SLC14A2: variants seen among roughly 807,000 people sequenced by gnomAD.
SLC14A2 encodes urea transporter 2.
Under a neutral mutation model 104.6 loss-of-function variants are expected in SLC14A2, and 91 were observed. The observed-to-expected ratio is 0.87, with a 90% confidence interval of 0.73 to 1.04. SLC14A2 has a LOEUF of 1.04. Ranked by LOEUF, SLC14A2 falls within the 50% of genes least tolerant of loss-of-function variation. The pLI, the probability that SLC14A2 is intolerant of heterozygous loss-of-function variation, is 0.00. For synonymous variants in SLC14A2, 476 were observed against 466.4 expected (o/e 1.02, Z -0.27); for missense variants, 1,189 against 1,156.0 (o/e 1.03, Z -0.41).
At chr18:45,319,416 T>C (rs1429274824) in intron 1 of SLC14A2, among the ~76,000 whole-genome samples, 2 of 152,232 alleles carry the variant, frequency 1.3e-5, no homozygotes, top group African/African-American at 4.8e-5. Flanking sequence ...CCATACTGCC[T>C]ATCTTGGTTA....
chr18:45,475,897 GA>G (rs945770990), intron 1 of SLC14A2, among the ~76,000 whole-genome samples: 3 of 151,720 alleles, frequency 2.0e-5, no homozygotes, highest in African/African-American at 7.3e-5. Context: ...TGGGTCTTCT[GA>G]ATACAGCACA....
intron 10 of SLC14A2, among the ~76,000 whole-genome samples, chr18:45,650,394 G>C (rs747524357): frequency 6.6e-6 from 1 of 151,968 alleles, no homozygotes; most frequent in African/African-American, 2.4e-5. Flanking sequence ...CTGGCCCCAA[G>C]CTTCTGCCCA....
intron 1 of SLC14A2, among the ~76,000 whole-genome samples, chr18:45,269,349 T>C (rs2084626667): frequency 6.6e-6 from 1 of 152,116 alleles, no homozygotes; most frequent in Non-Finnish European, 1.5e-5. Context: ...TGTACATTAC[T>C]GAGGCTGTTC....
rs2045578356 is a variant in SLC14A2, at chr18:45,644,058, C to G, written c.1249C>G (p.Pro417Ala). Residue 417 changes from proline to alanine, a missense_variant, in exon 10 of 20, where the codon CCA (proline) becomes GCA (alanine). Pro to Ala is a conservative substitution (Grantham distance 27, BLOSUM62 -1). Coordinates refer to ENST00000255226, the MANE Select transcript of SLC14A2 (RefSeq NM_007163.4). ...IIFLLLTTNN[P>A]AIFRLPLSKV... ...CTTCCTGCTCCTGACGACAAACAACCCAGCCATCTTCAGACTCCCACTCAG... is the reference window on the plus strand; with the variant it reads ...CTTCCTGCTCCTGACGACAAACAACGCAGCCATCTTCAGACTCCCACTCAG... 6.2e-7 allele frequency: 1 copy of G among 1,614,216 alleles called. No homozygotes were observed. Among genetic ancestry groups the G allele is most frequent in the South Asian group, 1.1e-5 (1 of 91,082 alleles).
chr18:45,303,158 C>A lies in SLC14A2; in HGVS notation c.-125+89967C>A, dbSNP rs192446614. Among the ~76,000 whole-genome samples, 333 of 152,282 alleles carry A rather than the reference C, an allele frequency of 2.2e-3. 3 individuals are homozygous for A. Among genetic ancestry groups the A allele is most frequent in the African/African-American group, 7.8e-3 (324 of 41,558 alleles). On this transcript the variant is annotated intron_variant, in intron 1 of 20. Transcript: ENST00000586448. ...ATTCACAGAGACTCCAGCACAGCCA[C>A]GTGGTGGAGGAAGATTTATAGACAA...
intron 1 of SLC14A2, among the ~76,000 whole-genome samples, chr18:45,467,357 C>T (rs1420844014): frequency 1.3e-5 from 2 of 152,188 alleles, no homozygotes; most frequent in Non-Finnish European, 2.9e-5. Flanking sequence ...GATGTTATGT[C>T]ATTTCCCCCA....
At chr18:45,610,805 G>C (rs1430455404), upstream of SLC14A2, among the ~76,000 whole-genome samples, 1 of 152,118 alleles carries the variant, frequency 6.6e-6, no homozygotes, top group Non-Finnish European at 1.5e-5. Context: ...CTCTAACCCT[G>C]GTCTTCCCCA....
At chr18:45,660,548 C>G (rs749421507) in intron 10 of SLC14A2, among the ~76,000 whole-genome samples, 11 of 152,330 alleles carry the variant, frequency 7.2e-5, no homozygotes, top group Middle Eastern at 3.4e-3. Flanking sequence ...TCTGAGATAT[C>G]TGTCATCATT....
chr18:45,498,685 C>T (rs1234854439), intron 2 of SLC14A2, among the ~76,000 whole-genome samples: 1 of 152,144 alleles, frequency 6.6e-6, no homozygotes, highest in African/African-American at 2.4e-5. Context: ...GCTCCTTCTC[C>T]CTCAGCTGGT....
At chr18:45,650,851 T>C (rs1028763960) in intron 10 of SLC14A2, among the ~76,000 whole-genome samples, 5 of 152,300 alleles carry the variant, frequency 3.3e-5, no homozygotes, top group Non-Finnish European at 5.9e-5. Context: ...GCGATTCTCC[T>C]GCCTCAGCCT....
intron 4 of SLC14A2, among the ~76,000 whole-genome samples, chr18:45,628,659 GAATT>G (rs1199483173): frequency 5.9e-5 from 9 of 152,104 alleles, no homozygotes; most frequent in Admixed American, 3.9e-4. Flanking sequence ...TCCAGATCAT[GAATT>G]AATTGTCAGC....
At chr18:45,583,837 T>A (rs1203228968) in intron 2 of SLC14A2, among the ~76,000 whole-genome samples, 2 of 151,930 alleles carry the variant, frequency 1.3e-5, no homozygotes. Flanking sequence ...AACACAGAAA[T>A]TGAGAGGAAA....
At chr18:45,301,622 T>C (rs916951056) in intron 1 of SLC14A2, among the ~76,000 whole-genome samples, 3 of 152,242 alleles carry the variant, frequency 2.0e-5, no homozygotes, top group Non-Finnish European at 4.4e-5. Context: ...TTGTGACTGA[T>C]ATCAGAGATT....
At chr18:45,196,241 T>C in the SLC14A2 span, among the ~76,000 whole-genome samples, 106 of 152,354 alleles carry the variant, frequency 7.0e-4, 1 homozygote, top group African/African-American at 2.4e-3. Context: ...AAGGGGGCAG[T>C]TTTATGCTAA....
At chr18:45,666,896 C>T in intron 12 of SLC14A2, 39 bp from the exon 13 acceptor site, 3 of 1,581,642 alleles carry the variant, frequency 1.9e-6, no homozygotes, top group Middle Eastern at 1.7e-4. Context: ...TAAGAACCAC[C>T]GAATGTGGGA....
chr18:45,509,723 G>A (rs377430290), intron 2 of SLC14A2, among the ~76,000 whole-genome samples: 8 of 152,296 alleles, frequency 5.3e-5, no homozygotes, highest in East Asian at 3.9e-4. Context: ...TCCCTTGGAT[G>A]GTTCTTGAGG....
intron 1 of SLC14A2, among the ~76,000 whole-genome samples, chr18:45,302,312 C>T (rs910818125): frequency 6.6e-6 from 1 of 152,192 alleles, no homozygotes; most frequent in Non-Finnish European, 1.5e-5. Context: ...AAGAGTTAGT[C>T]TATACTGCTG....
intron 1 of SLC14A2, among the ~76,000 whole-genome samples, chr18:45,344,799 C>T (rs1014207157): frequency 2.0e-5 from 3 of 152,184 alleles, no homozygotes; most frequent in African/African-American, 7.2e-5. Context: ...ATCAATTAGG[C>T]ACCTAATGCA....
intron 2 of SLC14A2, among the ~76,000 whole-genome samples, chr18:45,548,785 A>G (rs1213546324): frequency 1.3e-5 from 2 of 152,220 alleles, no homozygotes; most frequent in Admixed American, 1.3e-4. Context: ...GCTGTATACA[A>G]GCTGAAGTTT....
Sources: gnomAD v4.1 joint callset for allele counts (sites outside exome capture counted in the v4.1 genomes callset) on GRCh38, gnomAD v4.1.1 for gene constraint, MANE v1.5 for transcripts, NCBI Gene and HGNC (gene_info 2026-07-23, HGNC 2026-07-21) for gene names.